The following ADGRG4 variants were observed in gnomAD, a reference collection of about 807,000 sequenced individuals.
ADGRG4 encodes G protein-coupled receptor 112.
ADGRG4 carries 122 observed loss-of-function variants against 126.2 expected under a neutral mutation model. The ratio of observed to expected loss-of-function variants is 0.97; its 90% CI spans 0.83 to 1.12. ADGRG4 has a LOEUF of 1.12. ADGRG4 is among the 50% of genes most tolerant of loss of function. The pLI is 0.00. For synonymous variants in ADGRG4, 943 were observed against 838.7 expected, an observed-to-expected ratio of 1.12 and a Z score of -2.15; for missense variants, 2,481 against 2,251.8, an observed-to-expected ratio of 1.10 and a Z score of -2.06.
intron 3 of ADGRG4, among the ~76,000 whole-genome samples, chrX:136,308,252 C>T (rs923143120): frequency 4.5e-5 from 5 of 111,981 alleles, no homozygotes; most frequent in Non-Finnish European, 7.5e-5. Context: ...TACAGGTGCC[C>T]GCCAGCATGC....
chrX:136,412,441 C>G (rs753355248), intron 24 of ADGRG4, 75 bp downstream of exon 24: 21 of 635,258 alleles, frequency 3.3e-5, no homozygotes, highest in Non-Finnish European at 5.2e-5. Context: ...TGTCTCCTAA[C>G]TTGAGTACTT....
chrX:136,303,856 T>C (rs1207709462), intron 1 of ADGRG4, among the ~76,000 whole-genome samples: 2 of 110,581 alleles, frequency 1.8e-5, no homozygotes, highest in Non-Finnish European at 3.8e-5. Context: ...GGAATGAAGA[T>C]GGCTTGGACC....
chrX:136,322,203 G>A (rs756069882), intron 4 of ADGRG4, among the ~76,000 whole-genome samples: 13 of 111,604 alleles, frequency 1.2e-4, no homozygotes, highest in African/African-American at 3.3e-4. Flanking sequence ...GTACAAACAA[G>A]TCCCAGAGTT....
chrX:136,369,455 T>A (rs1303874989), intron 13 of ADGRG4, among the ~76,000 whole-genome samples: 1 of 111,931 alleles, frequency 8.9e-6, no homozygotes, highest in Admixed American at 9.5e-5. Context: ...TGAATTTTCC[T>A]TAAAAACTAT....
At chrX:136,402,801 A>C (rs1356945466) in intron 21 of ADGRG4, among the ~76,000 whole-genome samples, 1 of 111,832 alleles carries the variant, frequency 8.9e-6, no homozygotes, top group Admixed American at 9.5e-5. Flanking sequence ...CTGTCAAAAA[A>C]GCACTGAAGG....
rs1172727282 is a variant in ADGRG4, at chrX:136,346,362, T to C, written c.2656T>C (p.Ser886Pro). The change falls in exon 6 of 26, where the codon TCT becomes CCT. Residue 886 changes from serine (S) to proline (P), a missense_variant. By Grantham distance (74) the Ser-to-Pro change is moderately conservative (BLOSUM62 -1). Transcript: ENST00000394143. ...GGTGACAGCTTCTGTCACTGTTTCC[T>C]CTTTTCCTGATATAGAAAAGCTAAG... ...QRVTASVTVS[S>P]FPDIEKLSTP... 1 of 1,208,362 alleles carries C rather than the reference T, an allele frequency of 8.3e-7. No homozygotes were observed. The highest frequency in any genetic ancestry group is 1.7e-5 in the African/African-American group (1 of 57,167).
intron 19 of ADGRG4, 128 bp from the exon 20 acceptor site, chrX:136,397,753 C>T (rs1000276899): frequency 1.7e-6 from 1 of 598,175 alleles, no homozygotes; most frequent in African/African-American, 2.3e-5. Flanking sequence ...TTCACATAAT[C>T]TGGTTTTAGA....
At chrX:136,404,263 C>A (rs12008023) in intron 22 of ADGRG4, among the ~76,000 whole-genome samples, 1 of 110,331 alleles carries the variant, frequency 9.1e-6, no homozygotes, top group African/African-American at 3.3e-5. Flanking sequence ...CCATCCTCCC[C>A]CTTTGCCCGT....
chrX:136,387,854 G>A lies in ADGRG4; in HGVS notation c.7891G>A (p.Gly2631Ser). The change falls in exon 16 of 26, where the codon GGC (glycine) becomes AGC (serine). Residue 2631 changes from glycine to serine, a missense_variant. Coordinates refer to ENST00000394143, the MANE Select transcript of ADGRG4 (RefSeq NM_153834.4). Reference sequence around the variant, plus strand: ...ACAAACGATCTTGTTTAATTTCTTTGGCCAAACTTCACTCTTTAAGGTAAA... The same window carrying A: ...ACAAACGATCTTGTTTAATTTCTTTAGCCAAACTTCACTCTTTAAGGTAAA... ...NLQTILFNFF[G>S]QTSLFKTKNV... 1 of 1,207,618 alleles carries A rather than the reference G, an allele frequency of 8.3e-7. No individual in the cohort carries two copies. Among genetic ancestry groups the A allele is most frequent in the Non-Finnish European group, 1.1e-6 (1 of 892,971 alleles).
chrX:136,334,561 G>T (rs1240477880), intron 5 of ADGRG4, among the ~76,000 whole-genome samples: 1 of 112,036 alleles, frequency 8.9e-6, no homozygotes, highest in Non-Finnish European at 1.9e-5. Flanking sequence ...TTACTATGTT[G>T]AATCTTCCAA....
chrX:136,306,714 CTTT>C (rs57109734), intron 3 of ADGRG4, among the ~76,000 whole-genome samples: 1 of 97,840 alleles, frequency 1.0e-5, no homozygotes. Flanking sequence ...TACCTTATTC[CTTT>C]TTTTTTTTTT....
chrX:136,380,096 C>T (rs1319205923), intron 15 of ADGRG4, among the ~76,000 whole-genome samples: 8 of 106,579 alleles, frequency 7.5e-5, no homozygotes, highest in African/African-American at 2.1e-4. Flanking sequence ...GTGGTGAAAG[C>T]TAATGAACTG....
At chrX:136,337,912 C>T in intron 5 of ADGRG4, among the ~76,000 whole-genome samples, 1 of 111,386 alleles carries the variant, frequency 9.0e-6, no homozygotes. Context: ...CACTGTCTTT[C>T]TCCTCTCTTT....
intron 23 of ADGRG4, among the ~76,000 whole-genome samples, chrX:136,410,764 AT>A (rs1213080705): frequency 8.9e-6 from 1 of 111,929 alleles, no homozygotes; most frequent in East Asian, 2.8e-4. Flanking sequence ...AATGACATAA[AT>A]ATGAAAAGGA....
chrX:136,346,660 G>A lies in ADGRG4; in HGVS notation c.2954G>A (p.Arg985Lys). The A allele has an allele frequency of 1.7e-6, 2 of 1,210,080 alleles. No homozygotes were observed. The highest frequency in any genetic ancestry group is 2.2e-6 in the Non-Finnish European group (2 of 894,346). ...AGTTTCTCCACTACCCCTACAGACA[G>A]GACAGCTACGTCCTTGTCTGATGGT... ...ETSFSTTPTDRTATSLSDGIL... is the reference protein window; with the variant it reads ...ETSFSTTPTDKTATSLSDGIL... Residue 985 changes from arginine (R) to lysine (K), a missense_variant, in exon 6 of 26, where the codon AGG becomes AAG. Physicochemically the swap from Arg to Lys is conservative, Grantham distance 26. Coordinates refer to ENST00000394143, the MANE Select transcript of ADGRG4 (RefSeq NM_153834.4).
intron 15 of ADGRG4, among the ~76,000 whole-genome samples, chrX:136,376,513 A>G (rs1007637483): frequency 6.5e-4 from 73 of 111,961 alleles, no homozygotes; most frequent in African/African-American, 2.3e-3. Flanking sequence ...GATTCTTTCC[A>G]TCATGAGCAA....
At position 136,376,687 on chromosome X, in the gene ADGRG4, TG is replaced by T. The variant is rs2075228184; in HGVS notation, c.7776+3624del. Among the ~76,000 whole-genome samples the T allele has an allele frequency of 2.7e-5, 3 of 109,964 alleles. No individual in the cohort carries two copies. The South Asian group carries it at 1.2e-3, about 43-fold the overall frequency. ...TGTATTGTATTGTATTGTATTGTATTGTATTGTATTGTATTTTGCAGCTGTT... is the reference window on the plus strand; with the variant it reads ...TGTATTGTATTGTATTGTATTGTATTTATTGTATTGTATTTTGCAGCTGTT... On this transcript the variant is annotated intron_variant, in intron 15 of 25. Transcript: ENST00000394143.
chrX:136,306,923 A>G (rs2074737741), intron 3 of ADGRG4, among the ~76,000 whole-genome samples: 1 of 110,801 alleles, frequency 9.0e-6, no homozygotes, highest in Non-Finnish European at 1.9e-5. Flanking sequence ...CATGTTGCCT[A>G]GGCTGGTTTC....
chrX:136,357,767 G>A lies in ADGRG4; in HGVS notation c.6980+11G>A, dbSNP rs1437783619. The A allele has an allele frequency of 9.0e-7, 1 of 1,111,110 alleles. No individual in the cohort carries two copies. Among genetic ancestry groups the A allele is most frequent in the Admixed American group, 2.3e-5 (1 of 44,112 alleles). The allele number at this position is 1,111,110 out of a possible 1,213,427, so 91.6% of individuals were successfully genotyped here. ...CTATGTACCATACAGGTAGGAAGTA[G>A]GAACTGAGTTTATTAATAGCTGGCA... is the stretch of plus-strand genomic sequence containing the variant. On this transcript the variant is annotated intron_variant, in intron 10 of 25. Coordinates refer to ENST00000394143, the MANE Select transcript of ADGRG4 (RefSeq NM_153834.4).
Sources: allele counts gnomAD v4.1 joint callset (sites outside exome capture counted in the v4.1 genomes callset), GRCh38; gene constraint gnomAD v4.1.1; transcripts MANE v1.5; gene names NCBI Gene and HGNC (gene_info 2026-07-23, HGNC 2026-07-21).